Variants in KALRN observed in about 807,000 individuals in gnomAD.
KALRN encodes kalirin.
Under a neutral mutation model 353.7 loss-of-function variants are expected in KALRN, and 70 were observed. The observed-to-expected ratio is 0.20, with a 90% CI of 0.16 to 0.24. KALRN has a LOEUF of 0.24. KALRN is among the 10% of genes least tolerant of loss of function. KALRN has a pLI of 1.00. For synonymous variants in KALRN, 1,391 were observed against 1,434.8 expected (o/e 0.97, Z 0.69); for missense variants, 2,791 against 3,756.7 (o/e 0.74, Z 6.72).
intron 51 of KALRN, among the ~76,000 whole-genome samples, chr3:124,692,547 G>A (rs2061866827): frequency 6.6e-6 from 1 of 152,176 alleles, no homozygotes; most frequent in African/African-American, 2.4e-5. Context: ...GAGTTTTCTG[G>A]CTTCATGATA....
intron 10 of KALRN, among the ~76,000 whole-genome samples, chr3:124,369,997 T>G (rs2085612857): frequency 6.6e-6 from 1 of 152,212 alleles, no homozygotes; most frequent in South Asian, 2.1e-4. Flanking sequence ...TATTGCTGAA[T>G]AGTATTCCAT....
intron 34 of KALRN, among the ~76,000 whole-genome samples, chr3:124,586,663 A>G (rs1466964031): frequency 6.6e-6 from 1 of 152,170 alleles, no homozygotes; most frequent in Admixed American, 6.5e-5. Context: ...TGAAAAGGCT[A>G]GCGACCCTCA....
chr3:124,398,705 C>A lies in KALRN; in HGVS notation c.2180C>A (p.Ala727Asp). The A allele has an allele frequency of 1.2e-6, 2 of 1,614,156 alleles. No individual in the cohort carries two copies. Among genetic ancestry groups the A allele is most frequent in the South Asian group, 2.2e-5 (2 of 91,088 alleles). Residue 727 changes from alanine to aspartate, a missense_variant, in exon 13 of 60, where the codon GCT becomes GAT. Physicochemically the swap from Ala to Asp is moderately radical, Grantham distance 126. Transcript: ENST00000682506. The stretch of plus-strand genomic sequence containing the variant: ...TCCCCACTCTGCCACAGGGACTCGG[C>A]TGTGTCCAACAACAAAACACCCCAC... ...LGEPSEARDSAVSNNKTPHSS... is the reference protein window; with the variant it reads ...LGEPSEARDSDVSNNKTPHSS...
intron 28 of KALRN, among the ~76,000 whole-genome samples, chr3:124,484,372 C>A (rs1420888844): frequency 1.3e-5 from 2 of 152,172 alleles, no homozygotes; most frequent in East Asian, 3.9e-4. Context: ...AATTCTTCTC[C>A]TTCCTCATCT....
In KALRN at chr3:124,152,103, A is replaced by T. The variant is rs1293873444; in HGVS notation, c.74-75887A>T. 3.2e-6 allele frequency: 4 copies of T among 1,265,662 alleles called. No individual in the cohort carries two copies. The Admixed American group carries it at 6.7e-5, about 21-fold the overall frequency. 78.4% of individuals were successfully genotyped at this position (1,265,662 alleles called of 1,614,324 possible). A position where few individuals can be genotyped will look rare whatever the true frequency, so the allele number is the denominator to read the frequency against. On this transcript the variant is annotated intron_variant, in intron 1 of 59. Transcript: ENST00000682506. The stretch of plus-strand genomic sequence containing the variant: ...CACAGGAAGTTATTTGCTTCTTTGA[A>T]GCGTTTTCCAACATTATAGATCTCA...
intron 3 of KALRN, among the ~76,000 whole-genome samples, chr3:124,258,919 A>G (rs2072447021): frequency 6.6e-6 from 1 of 152,218 alleles, no homozygotes; most frequent in Non-Finnish European, 1.5e-5. Flanking sequence ...ACCCACAGAT[A>G]TGGAGGGCCA....
intron 37 of KALRN, among the ~76,000 whole-genome samples, chr3:124,644,334 T>A (rs1196977306): frequency 2.5e-5 from 3 of 119,586 alleles, no homozygotes; most frequent in Admixed American, 8.0e-5. Flanking sequence ...TTTTTTAAAA[T>A]TTTTTTTTAT....
intron 1 of KALRN, among the ~76,000 whole-genome samples, chr3:124,182,158 T>G (rs2073684430): frequency 6.6e-6 from 1 of 152,198 alleles, no homozygotes. Flanking sequence ...AGAGAGGACT[T>G]TTTGGGAAGT....
At chr3:124,163,632 G>C (rs2070359228) in intron 1 of KALRN, 1 of 984,758 alleles carries the variant, frequency 1.0e-6, no homozygotes. Flanking sequence ...TCTGCATAAA[G>C]AAGAAAGAAG....
chr3:124,306,921 T>G (rs1162025558), intron 6 of KALRN, among the ~76,000 whole-genome samples: 1 of 152,018 alleles, frequency 6.6e-6, no homozygotes, highest in Admixed American at 6.6e-5. Flanking sequence ...AAAATCAAGG[T>G]GAAATAAAAC....
intron 17 of KALRN, among the ~76,000 whole-genome samples, chr3:124,437,245 A>G (rs989499247): frequency 2.0e-5 from 3 of 152,234 alleles, no homozygotes; most frequent in South Asian, 4.1e-4. Flanking sequence ...ATGTGATGCT[A>G]GAGATGGGAC....
At chr3:124,103,630 G>T (rs1395860310) in intron 1 of KALRN, among the ~76,000 whole-genome samples, 1 of 152,122 alleles carries the variant, frequency 6.6e-6, no homozygotes, top group East Asian at 1.9e-4. Context: ...TGCCCTTAGG[G>T]AGCTTACAAT....
chr3:124,120,416 C>T (rs538525512), intron 1 of KALRN, among the ~76,000 whole-genome samples: 2 of 152,244 alleles, frequency 1.3e-5, no homozygotes, highest in South Asian at 4.1e-4. Context: ...CTCAAAAACA[C>T]AGTGCTTTGG....
At chr3:124,534,788 A>AT (rs5852408) in intron 33 of KALRN, among the ~76,000 whole-genome samples, 109,029 of 151,832 alleles carry the variant, frequency 0.72, 40,516 homozygotes, top group African/African-American at 0.89. Context: ...GCCTGAAACA[A>AT]TTTTTTTAAT....
In KALRN at chr3:124,669,256, T is replaced by A. The variant is rs1247253340; in HGVS notation, c.6703+2073T>A. Among the ~76,000 whole-genome samples, 3 of 152,330 alleles carry A rather than the reference T, an allele frequency of 2.0e-5. No individual in the cohort carries two copies. The East Asian group carries it at 5.8e-4, about 29-fold the overall frequency. ...AACCACAAAACTGCAGTATAGGTGC[T>A]AGTGTTAGGGCACTCATTTATTTAA... On this transcript the variant is annotated intron_variant, in intron 47 of 59. Transcript: ENST00000682506.
At chr3:124,094,806 G>T in intron 1 of KALRN, 1 of 1,601,916 alleles carries the variant, frequency 6.2e-7, no homozygotes, top group Admixed American at 1.7e-5. Context: ...TCTGCCGAGG[G>T]GACTGGCTGT....
At chr3:124,274,351 C>T (rs2074474285) in intron 5 of KALRN, among the ~76,000 whole-genome samples, 1 of 152,226 alleles carries the variant, frequency 6.6e-6, no homozygotes, top group Admixed American at 6.5e-5. Flanking sequence ...GGGGAAGGCC[C>T]TCAGTCTTCC....
At chr3:124,347,034 C>T in intron 9 of KALRN, 109 bp from the exon 10 acceptor site, 11 of 1,516,474 alleles carry the variant, frequency 7.3e-6, no homozygotes, top group South Asian at 1.2e-5. Context: ...TGCTGCTTTA[C>T]AACTGGGATG....
intron 19 of KALRN, among the ~76,000 whole-genome samples, chr3:124,442,849 G>A (rs900706120): frequency 1.3e-5 from 2 of 152,094 alleles, no homozygotes; most frequent in Admixed American, 6.5e-5. Flanking sequence ...GCCTGGTATG[G>A]TGGCGTGCCT....
Sources: gnomAD v4.1 joint callset for allele counts (sites outside exome capture counted in the v4.1 genomes callset) on GRCh38, gnomAD v4.1.1 for gene constraint, MANE v1.5 for transcripts, NCBI Gene and HGNC (gene_info 2026-07-23, HGNC 2026-07-21) for gene names.